The following FHOD3 variants were observed in gnomAD, a reference collection of about 807,000 sequenced individuals.
FHOD3 encodes the protein FH1/FH2 domain-containing protein 3.
A neutral mutation model predicts 173.0 loss-of-function variants in FHOD3; 90 were observed. The observed-to-expected ratio is 0.52, with a 90% CI of 0.44 to 0.62. The LOEUF (loss-of-function observed/expected upper bound fraction) is 0.62, where lower values mean the gene tolerates loss of function less well. FHOD3 is among the 20% of genes least tolerant of loss of function. The pLI is 0.00. For synonymous variants in FHOD3, 828 were observed against 823.0 expected, an observed-to-expected ratio of 1.01 and a Z score of -0.10; for missense variants, 1,945 against 2,034.7, an observed-to-expected ratio of 0.96 and a Z score of 0.85.
intron 4 of FHOD3, among the ~76,000 whole-genome samples, chr18:36,503,276 A>G (rs12955215): frequency 0.17 from 26,199 of 151,976 alleles, 3,367 homozygotes; most frequent in East Asian, 0.59. Flanking sequence ...TAGGTTCATT[A>G]TTTTTCTTCT....
At chr18:36,391,403 C>T (rs1383191223) in intron 3 of FHOD3, among the ~76,000 whole-genome samples, 1 of 152,074 alleles carries the variant, frequency 6.6e-6, no homozygotes, top group East Asian at 1.9e-4. Flanking sequence ...ACAGGGATCC[C>T]TTGGCCTGGC....
intron 28 of FHOD3, among the ~76,000 whole-genome samples, chr18:36,776,529 A>T (rs1386670294): frequency 6.6e-6 from 1 of 152,224 alleles, no homozygotes; most frequent in East Asian, 1.9e-4. Context: ...AAGGTTTCAG[A>T]TTCTCAGGTA....
intron 5 of FHOD3, among the ~76,000 whole-genome samples, chr18:36,559,229 C>G (rs1041729022): frequency 1.3e-5 from 2 of 152,144 alleles, no homozygotes; most frequent in African/African-American, 4.8e-5. Context: ...AACTGTCCAG[C>G]GTTTGATCAC....
At chr18:36,743,358 C>T (rs1273018236) in intron 22 of FHOD3, among the ~76,000 whole-genome samples, 1 of 138,802 alleles carries the variant, frequency 7.2e-6, no homozygotes, top group Non-Finnish European at 1.6e-5. Flanking sequence ...CGATTTATTT[C>T]AATCTGTGTC....
intron 1 of FHOD3, among the ~76,000 whole-genome samples, chr18:36,299,366 T>C (rs1479222455): frequency 6.6e-6 from 1 of 152,240 alleles, no homozygotes; most frequent in African/African-American, 2.4e-5. Flanking sequence ...CTGATCAGAA[T>C]CACTTTTGTA....
intron 5 of FHOD3, among the ~76,000 whole-genome samples, chr18:36,535,961 A>C (rs1323283324): frequency 6.6e-6 from 1 of 152,224 alleles, no homozygotes; most frequent in Non-Finnish European, 1.5e-5. Context: ...ACTAAATTCA[A>C]ACTACAATAG....
chr18:36,535,805 A>G (rs2056971969), intron 5 of FHOD3, among the ~76,000 whole-genome samples: 1 of 152,194 alleles, frequency 6.6e-6, no homozygotes, highest in South Asian at 2.1e-4. Context: ...TTATATTATT[A>G]ACTTATGTTG....
chr18:36,456,509 C>G (rs1188256443), intron 3 of FHOD3, among the ~76,000 whole-genome samples: 1 of 152,026 alleles, frequency 6.6e-6, no homozygotes, highest in African/African-American at 2.4e-5. Flanking sequence ...GTATGTGTTC[C>G]TATGTCATGG....
chr18:36,376,956 A>C (rs2047471615), intron 3 of FHOD3, among the ~76,000 whole-genome samples: 1 of 152,212 alleles, frequency 6.6e-6, no homozygotes, highest in Non-Finnish European at 1.5e-5. Context: ...CAAGGTCCTG[A>C]GGCTGTGTGC....
chr18:36,604,527 G>A (rs2031837626), intron 8 of FHOD3, among the ~76,000 whole-genome samples: 1 of 152,152 alleles, frequency 6.6e-6, no homozygotes, highest in African/African-American at 2.4e-5. Context: ...AACATTGGTG[G>A]GGACGGGTTA....
Position 36,652,633 on chromosome 18 carries a change from C to T in FHOD3, c.1350C>T (p.Ala450=). 6.5e-7 allele frequency: 1 copy of T among 1,535,412 alleles called. No individual in the cohort carries two copies. The highest frequency in any genetic ancestry group is 8.7e-7 in the Non-Finnish European group (1 of 1,146,688). Residue 450 remains alanine (A), a synonymous_variant, in exon 12 of 29, where the codon GCC becomes GCT. Coordinates refer to ENST00000590592, the MANE Select transcript of FHOD3 (RefSeq NM_001281740.3). ...GGGATGCTGCTCCCAAGAGCTCTGCCCTCCCTGCTGTCTCGAATGCCAGCT... is the reference window on the plus strand; with the variant it reads ...GGGATGCTGCTCCCAAGAGCTCTGCTCTCCCTGCTGTCTCGAATGCCAGCT... The part of the protein sequence containing the change: ...TGRDAAPKSS[A]LPAVSNASSQ...
chr18:36,555,776 A>G (rs2057854657), intron 5 of FHOD3, among the ~76,000 whole-genome samples: 1 of 152,166 alleles, frequency 6.6e-6, no homozygotes, highest in Admixed American at 6.5e-5. Flanking sequence ...TGACCCCTTT[A>G]TCATTATGAA....
intron 2 of FHOD3, among the ~76,000 whole-genome samples, chr18:36,370,325 G>A (rs2047118420): frequency 6.6e-6 from 1 of 152,086 alleles, no homozygotes; most frequent in African/African-American, 2.4e-5. Flanking sequence ...AAAAAAAATA[G>A]GACTTTTTTT....
intron 24 of FHOD3, among the ~76,000 whole-genome samples, chr18:36,747,802 A>G (rs527922719): frequency 2.6e-4 from 39 of 152,344 alleles, no homozygotes; most frequent in Admixed American, 1.6e-3. Flanking sequence ...TGGATCTTCT[A>G]TCTTCCCAGG....
At chr18:36,497,098 T>C (rs981751026) in intron 3 of FHOD3, among the ~76,000 whole-genome samples, 3 of 152,230 alleles carry the variant, frequency 2.0e-5, no homozygotes, top group Non-Finnish European at 4.4e-5. Flanking sequence ...TAAAAATCAT[T>C]ATTTGGGAAC....
chr18:36,459,676 A>G (rs1327793288), intron 3 of FHOD3, among the ~76,000 whole-genome samples: 1 of 151,992 alleles, frequency 6.6e-6, no homozygotes, highest in Non-Finnish European at 1.5e-5. Context: ...TTTTTTTTTC[A>G]TTTTGAAAAA....
At chr18:36,704,536 G>A (rs2039763476) in intron 17 of FHOD3, among the ~76,000 whole-genome samples, 1 of 152,182 alleles carries the variant, frequency 6.6e-6, no homozygotes, top group African/African-American at 2.4e-5. Flanking sequence ...GACAAGCATG[G>A]TGAGCCGTGG....
chr18:36,578,292 T>C (rs1304821295), intron 6 of FHOD3, among the ~76,000 whole-genome samples: 2 of 152,100 alleles, frequency 1.3e-5, no homozygotes, highest in Non-Finnish European at 2.9e-5. Context: ...ACATCTTACA[T>C]GGTGGCAGGC....
intron 3 of FHOD3, among the ~76,000 whole-genome samples, chr18:36,496,923 T>C (rs1295012841): frequency 1.3e-5 from 2 of 152,154 alleles, no homozygotes; most frequent in African/African-American, 4.8e-5. Flanking sequence ...CTTTATACCA[T>C]AGGGAATTAA....
Sources: gnomAD v4.1 joint callset for allele counts (sites outside exome capture counted in the v4.1 genomes callset) on GRCh38, gnomAD v4.1.1 for gene constraint, MANE v1.5 for transcripts, NCBI Gene and HGNC (gene_info 2026-07-23, HGNC 2026-07-21) for gene names.